The following RUNX1 variants were observed in gnomAD, a reference collection of about 807,000 sequenced individuals.
The protein encoded by RUNX1 is RUNX family transcription factor 1, also known as runt-related transcription factor 1.
Under a neutral mutation model 42.8 loss-of-function variants are expected in RUNX1, and 19 were observed. The observed-to-expected ratio is 0.44, with a 90% CI of 0.31 to 0.65. RUNX1 has a LOEUF of 0.65. RUNX1 is among the 30% of genes least tolerant of loss of function. RUNX1 has a pLI of 0.07. For synonymous variants in RUNX1, 271 were observed against 289.4 expected, an observed-to-expected ratio of 0.94 and a Z score of 0.64; for missense variants, 528 against 672.0, an observed-to-expected ratio of 0.79 and a Z score of 2.37.
At chr21:34,895,721 G>C (rs531714715) in intron 2 of RUNX1, among the ~76,000 whole-genome samples, 1 of 152,036 alleles carries the variant, frequency 6.6e-6, no homozygotes, top group Non-Finnish European at 1.5e-5. Context: ...GTTGGGGAGT[G>C]GGGGAGGGAG....
chr21:34,869,696 G>A (rs971893735), intron 5 of RUNX1, among the ~76,000 whole-genome samples: 4 of 152,130 alleles, frequency 2.6e-5, no homozygotes, highest in East Asian at 1.9e-4. Flanking sequence ...GGCTTCCAGC[G>A]GAACATCCGG....
intron 2 of RUNX1, among the ~76,000 whole-genome samples, chr21:34,974,896 T>G (rs1308121492): frequency 2.0e-5 from 3 of 152,264 alleles, no homozygotes; most frequent in Non-Finnish European, 2.9e-5. Context: ...TGAATTTATT[T>G]AATATGTTTT....
At chr21:34,904,876 T>G (rs1007199217) in intron 2 of RUNX1, among the ~76,000 whole-genome samples, 12 of 152,262 alleles carry the variant, frequency 7.9e-5, no homozygotes, top group Admixed American at 5.2e-4. Flanking sequence ...TCAAGTCTTT[T>G]TCCTTAATGC....
intron 2 of RUNX1, among the ~76,000 whole-genome samples, chr21:34,950,778 T>C (rs993240026): frequency 6.6e-6 from 1 of 152,152 alleles, no homozygotes; most frequent in African/African-American, 2.4e-5. Context: ...TAGTTACATT[T>C]CAGAGAGGAT....
At chr21:34,885,296 T>C (rs1240011776) in intron 4 of RUNX1, among the ~76,000 whole-genome samples, 1 of 152,170 alleles carries the variant, frequency 6.6e-6, no homozygotes, top group Non-Finnish European at 1.5e-5. Context: ...GGCCCAACCC[T>C]GTTGGGTCCC....
chr21:34,802,115 T>C (rs1007692445), intron 7 of RUNX1, among the ~76,000 whole-genome samples: 1 of 152,188 alleles, frequency 6.6e-6, no homozygotes, highest in African/African-American at 2.4e-5. Flanking sequence ...TGAAGAGTGG[T>C]GCCTGTAATA....
At chr21:34,900,978 C>T (rs898778916) in intron 2 of RUNX1, among the ~76,000 whole-genome samples, 1 of 152,128 alleles carries the variant, frequency 6.6e-6, no homozygotes, top group Admixed American at 6.5e-5. Flanking sequence ...TTCAAAAAGC[C>T]ATCAATGTTT....
chr21:34,993,099 C>T (rs1419639884), intron 2 of RUNX1, among the ~76,000 whole-genome samples: 2 of 152,226 alleles, frequency 1.3e-5, no homozygotes, highest in Non-Finnish European at 2.9e-5. Context: ...TGCTTCACCT[C>T]GTATCTGGCG....
At chr21:34,856,221 C>G in intron 6 of RUNX1, 2 of 417,314 alleles carry the variant, frequency 4.8e-6, no homozygotes, top group South Asian at 3.5e-5. Flanking sequence ...ACTTAGTCAG[C>G]GGAATGGCAG....
chr21:34,852,522 G>A (rs145336424), intron 6 of RUNX1, among the ~76,000 whole-genome samples: 206 of 152,346 alleles, frequency 1.4e-3, no homozygotes, highest in African/African-American at 4.4e-3. Context: ...TATTATTAAT[G>A]CTTTAAAAAC....
intron 6 of RUNX1, among the ~76,000 whole-genome samples, chr21:34,857,878 G>A (rs1005014961): frequency 6.6e-6 from 1 of 152,184 alleles, no homozygotes. Context: ...GGTCCTGTCT[G>A]TGTCTATGGC....
At chr21:34,928,906 T>G (rs982833920) in intron 2 of RUNX1, among the ~76,000 whole-genome samples, 2 of 147,526 alleles carry the variant, frequency 1.4e-5, no homozygotes, top group African/African-American at 5.0e-5. Context: ...GTGTTAAGTT[T>G]CGGGGCTCAG....
At chr21:34,930,239 T>TATACATATATATATATTATATATACATG (rs1299650215) in intron 2 of RUNX1, among the ~76,000 whole-genome samples, 1 of 130,638 alleles carries the variant, frequency 7.7e-6, no homozygotes. Flanking sequence ...TATATACATA[T>TATACATATATATATATTATATATACATG]TATATATGTA....
intron 2 of RUNX1, among the ~76,000 whole-genome samples, chr21:35,044,706 T>C (rs1438549012): frequency 1.3e-5 from 2 of 152,200 alleles, no homozygotes; most frequent in Non-Finnish European, 2.9e-5. Flanking sequence ...GGCTCCTTAT[T>C]AAAGTCTGTG....
chr21:35,011,147 G>A (rs1037246300), intron 2 of RUNX1, among the ~76,000 whole-genome samples: 11 of 152,170 alleles, frequency 7.2e-5, no homozygotes, highest in African/African-American at 2.7e-4. Context: ...CAATGAAAGT[G>A]AGATATTTCA....
chr21:34,949,733 A>G (rs960335500), intron 2 of RUNX1, among the ~76,000 whole-genome samples: 1 of 152,344 alleles, frequency 6.6e-6, no homozygotes, highest in East Asian at 1.9e-4. Context: ...GTGGAGTGGG[A>G]GTGGGAAGGG....
intron 2 of RUNX1, among the ~76,000 whole-genome samples, chr21:34,916,024 T>G (rs944363605): frequency 6.6e-6 from 1 of 151,826 alleles, no homozygotes; most frequent in African/African-American, 2.4e-5. Flanking sequence ...AATAGAAGAG[T>G]TTTTTGTGTG....
At chr21:34,855,852 A>C (rs1375665964) in intron 6 of RUNX1, among the ~76,000 whole-genome samples, 1 of 152,250 alleles carries the variant, frequency 6.6e-6, no homozygotes, top group Admixed American at 6.5e-5. Context: ...CCGAAAACAG[A>C]GCCCACCTTG....
chr21:34,812,023 A>G (rs1157872678), intron 7 of RUNX1, among the ~76,000 whole-genome samples: 1 of 150,510 alleles, frequency 6.6e-6, no homozygotes. Context: ...GCTCTCTTGC[A>G]CCTCTCTATT....
Sources: allele counts gnomAD v4.1 joint callset (sites outside exome capture counted in the v4.1 genomes callset), GRCh38; gene constraint gnomAD v4.1.1; transcripts MANE v1.5; gene names NCBI Gene and HGNC (gene_info 2026-07-23, HGNC 2026-07-21).